The following FOLH1 variants were observed in gnomAD, a reference collection of about 807,000 sequenced individuals.
The protein encoded by FOLH1 is folate hydrolase 1.
Under a neutral mutation model 93.9 loss-of-function variants are expected in FOLH1, and 54 were observed. The observed-to-expected ratio is 0.57, with a 90% confidence interval of 0.46 to 0.72. The LOEUF (loss-of-function observed/expected upper bound fraction) is 0.72, where lower values mean the gene tolerates loss of function less well. Among genes scored for constraint, FOLH1 ranks in the 30% least tolerant of loss-of-function variants. The pLI is 0.00. For synonymous variants in FOLH1, 249 were observed against 303.6 expected (o/e 0.82, Z 1.87); for missense variants, 571 against 892.5 (o/e 0.64, Z 4.59).
chr11:49,208,141 G>C (rs1565227209), intron 1 of FOLH1, 151 bp downstream of exon 1: 5 of 631,782 alleles, frequency 7.9e-6, no homozygotes, highest in Non-Finnish European at 1.4e-5. Flanking sequence ...CTCCTAACTC[G>C]AGGGGTGCTC....
chr11:49,177,451 A>C (rs1860188038), intron 7 of FOLH1, among the ~76,000 whole-genome samples: 1 of 152,150 alleles, frequency 6.6e-6, no homozygotes, highest in African/African-American at 2.4e-5. Context: ...TTATACATAA[A>C]ATATTGATAC....
At chr11:49,198,326 A>T (rs1342218014) in intron 3 of FOLH1, among the ~76,000 whole-genome samples, 1 of 152,004 alleles carries the variant, frequency 6.6e-6, no homozygotes, top group Admixed American at 6.6e-5. Context: ...CCAAAAATAC[A>T]AAAAAATTAG....
rs544292987 is a variant in FOLH1, at chr11:49,207,933, A to T, written c.118+359T>A. The T allele has an allele frequency of 6.5e-4, 310 of 476,372 alleles. 1 individual carries two copies. Among genetic ancestry groups the T allele is most frequent in the African/African-American group, 6.4e-3 (272 of 42,756 alleles). 29.5% of individuals were successfully genotyped at this position (476,372 alleles called of 1,614,324 possible). ...AGGAAGAAAGAATGCACAGAGAGGT[A>T]AAAAAACAAACAAACAAACAAAACA... On this transcript the variant is annotated intron_variant, in intron 1 of 18. Coordinates refer to ENST00000256999, the MANE Select transcript of FOLH1 (RefSeq NM_004476.3).
chr11:49,208,489 G>C lies in FOLH1; in HGVS notation c.-80C>G. ...TGCGCGCCCTCCAACCACCACGGCG[G>C]GGTAAAGTCTCTCTCAATCTCACTA... On this transcript the variant is annotated 5_prime_UTR_variant, in exon 1 of 19. Transcript: ENST00000256999. The C allele has an allele frequency of 2.1e-6, 2 of 968,630 alleles. No homozygotes were observed. Among genetic ancestry groups the C allele is most frequent in the Non-Finnish European group, 1.5e-6 (1 of 647,128 alleles). The allele number at this position is 968,630 out of a possible 1,614,324, so 60.0% of individuals were successfully genotyped here.
intron 17 of FOLH1, among the ~76,000 whole-genome samples, chr11:49,152,886 T>C (rs113824792): frequency 0.027 from 4,094 of 152,232 alleles, 183 homozygotes; most frequent in African/African-American, 0.095. Flanking sequence ...TAGCATACAA[T>C]GTGAAGTGCG....
At chr11:49,182,546 G>A (rs546471727) in intron 7 of FOLH1, among the ~76,000 whole-genome samples, 11 of 152,224 alleles carry the variant, frequency 7.2e-5, no homozygotes, top group East Asian at 1.9e-4. Flanking sequence ...CCTCCCAGAC[G>A]TAGCCAGTAA....
At chr11:49,178,908 C>T (rs1385719573) in intron 7 of FOLH1, among the ~76,000 whole-genome samples, 1 of 152,124 alleles carries the variant, frequency 6.6e-6, no homozygotes, top group Non-Finnish European at 1.5e-5. Context: ...ATGTTTAAGG[C>T]ACTGTGTTTT....
rs1235480075 is a variant in FOLH1, at chr11:49,170,602, G to A, written c.1308+593C>T. On this transcript the variant is annotated intron_variant, in intron 11 of 18. Transcript: ENST00000256999. ...TGTACTCCAGCCTGGGCAACAGAGC[G>A]AGACTCTGTATAGTTAGCTTTAGGA... Among the ~76,000 whole-genome samples, 6 of 152,148 alleles carry A rather than the reference G, an allele frequency of 3.9e-5. No homozygotes were observed. In the East Asian group the frequency reaches 7.7e-4, roughly 20 times the overall value.
chr11:49,145,207 CTTCT>C lies in FOLH1; in HGVS notation c.*1545_*1548del, dbSNP rs1565116916. Among the ~76,000 whole-genome samples the C allele has an allele frequency of 6.6e-6, 1 of 152,184 alleles. No individual in the cohort carries two copies. Among genetic ancestry groups the C allele is most frequent in the African/African-American group, 2.4e-5 (1 of 41,464 alleles). ...ATAGATCTGGGCCCATTAAATAGTT[CTTCT>C]TTGTCACGTGTTAATGATGTTAAAC... On this transcript the variant is annotated 3_prime_UTR_variant, in exon 19 of 19. Coordinates refer to ENST00000256999, the MANE Select transcript of FOLH1 (RefSeq NM_004476.3).
chr11:49,176,818 T>A (rs1161448803), intron 7 of FOLH1, among the ~76,000 whole-genome samples: 1 of 116,358 alleles, frequency 8.6e-6, no homozygotes, highest in Non-Finnish European at 1.7e-5. Context: ...GGCATTTTGT[T>A]CCTTAACAAT....
rs369264414 is a variant in FOLH1 at position 49,157,942 on chromosome 11, A to T, written c.1532+10T>A. 2 of 1,569,908 alleles carry T rather than the reference A, an allele frequency of 1.3e-6. No individual in the cohort carries two copies. Among genetic ancestry groups the T allele is most frequent in the African/African-American group, 2.7e-5 (2 of 73,200 alleles). On this transcript the variant is annotated intron_variant, in intron 14 of 18. Transcript: ENST00000256999. ...ACTGAATTCAGTGGAAACTTCATTC[A>T]TTTGTTTACCTGGGCATGCCACTGA... is the stretch of plus-strand genomic sequence containing the variant.
In FOLH1 at chr11:49,156,739, C is replaced by A. The variant is rs751608388; in HGVS notation, c.1601G>T (p.Arg534Ile). 7 of 1,612,674 alleles carry A rather than the reference C, an allele frequency of 4.3e-6. No individual in the cohort carries two copies. The highest frequency in any genetic ancestry group is 5.9e-6 in the Non-Finnish European group (7 of 1,179,118). Residue 534 changes from arginine to isoleucine, a missense_variant, in exon 15 of 19, where the codon AGA becomes ATA. Transcript: ENST00000256999. The stretch of plus-strand genomic sequence containing the variant: ...TACCCAATTTTTAGTATACCGTGCT[C>A]TGCCTGAAGCAATTCCAAGTCGTTG... Reference protein sequence around the residue: ...FFQRLGIASGRARYTKNWETN... With the variant: ...FFQRLGIASGIARYTKNWETN...
At position 49,189,475 on chromosome 11, in the gene FOLH1, C is replaced by T. The variant is rs1320472591; in HGVS notation, c.514-2706G>A. 2.6e-5 allele frequency among the ~76,000 whole-genome samples: 4 copies of T among 152,162 alleles called. No homozygotes were observed. The South Asian group carries it at 6.2e-4, about 24-fold the overall frequency. On this transcript the variant is annotated intron_variant, in intron 4 of 18. Transcript: ENST00000256999. Reference sequence around the variant, plus strand: ...TTAGGCAGTGCCCTATGTAATACAACAAATCTCTGCCCTTGAAGGAACTTA... The same window carrying T: ...TTAGGCAGTGCCCTATGTAATACAATAAATCTCTGCCCTTGAAGGAACTTA...
chr11:49,154,485 T>G lies in FOLH1; in HGVS notation c.1631A>C (p.Asn544Thr), dbSNP rs1288921474. Residue 544 changes from asparagine to threonine, a missense_variant, in exon 16 of 19, where the codon AAC becomes ACC. Coordinates refer to ENST00000256999, the MANE Select transcript of FOLH1 (RefSeq NM_004476.3). ...RARYTKNWET[N>T]KFSGYPLYHS... is the part of the protein sequence containing the mutation. Reference sequence around the variant, plus strand: ...ATACAGTGGATAGCCGCTGAATTTGTTTGTTTCCTACAGAAAAAACAACAA... The same window carrying G: ...ATACAGTGGATAGCCGCTGAATTTGGTTGTTTCCTACAGAAAAAACAACAA... The G allele has an allele frequency of 6.4e-7, 1 of 1,571,620 alleles. No individual in the cohort carries two copies. Among genetic ancestry groups the G allele is most frequent in the Non-Finnish European group, 8.6e-7 (1 of 1,157,640 alleles).
chr11:49,206,336 A>G lies in FOLH1; in HGVS notation c.119-164T>C, dbSNP rs778770772. 17 of 1,096,672 alleles carry G rather than the reference A, an allele frequency of 1.6e-5. No individual in the cohort carries two copies. In the South Asian group the frequency reaches 2.3e-4, roughly 15 times the overall value. 67.9% of individuals were successfully genotyped at this position (1,096,672 alleles called of 1,614,324 possible). A position where few individuals can be genotyped will look rare whatever the true frequency, so the allele number is the denominator to read the frequency against. On this transcript the variant is annotated intron_variant, in intron 1 of 18. Coordinates refer to ENST00000256999, the MANE Select transcript of FOLH1 (RefSeq NM_004476.3). ...TAATTTCTCTTGCCTACTTTCACTG[A>G]AAAAGAGTCATGCAAACAGATTTTT...
At position 49,166,745 on chromosome 11, in the gene FOLH1, T is replaced by G. The variant is rs2299648; in HGVS notation, c.1373-1973A>C. On this transcript the variant is annotated intron_variant, in intron 12 of 18. Coordinates refer to ENST00000256999, the MANE Select transcript of FOLH1 (RefSeq NM_004476.3). ...ATGTAAAAATATAAAACAAGTGAGA[T>G]GAATGGTGTCCCAATCATATAGTAC... Among the ~76,000 whole-genome samples, 821 of 149,630 alleles carry G rather than the reference T, an allele frequency of 5.5e-3. 3 individuals are homozygous for G. Among genetic ancestry groups the G allele is most frequent in the South Asian group, 0.013 (60 of 4,726 alleles).
chr11:49,163,412 A>G (rs1397838498), intron 13 of FOLH1, among the ~76,000 whole-genome samples: 1 of 152,012 alleles, frequency 6.6e-6, no homozygotes, highest in African/African-American at 2.4e-5. Flanking sequence ...ACCCCCAGTC[A>G]TCTTGGGCTC....
At chr11:49,204,491 T>C (rs749130635) in intron 2 of FOLH1, among the ~76,000 whole-genome samples, 31 of 152,190 alleles carry the variant, frequency 2.0e-4, no homozygotes, top group Non-Finnish European at 2.6e-4. Context: ...ACAGCAGCTC[T>C]GTCAAGGAGT....
chr11:49,201,665 G>GT (rs1863271165), intron 2 of FOLH1, among the ~76,000 whole-genome samples: 4 of 152,172 alleles, frequency 2.6e-5, no homozygotes, highest in Non-Finnish European at 5.9e-5. Context: ...AGGCAGCTAA[G>GT]GAGTCTCTAT....
Sources: allele counts gnomAD v4.1 joint callset (sites outside exome capture counted in the v4.1 genomes callset), GRCh38; gene constraint gnomAD v4.1.1; transcripts MANE v1.5; gene names NCBI Gene and HGNC (gene_info 2026-07-23, HGNC 2026-07-21).